Variants in NRG1 observed in about 807,000 individuals in gnomAD.
The protein encoded by NRG1 is pro-neuregulin-1, membrane-bound isoform.
Under a neutral mutation model 63.8 loss-of-function variants are expected in NRG1, and 18 were observed. That is an observed-to-expected ratio of 0.28 (90% CI 0.19 to 0.42). The LOEUF is 0.42. Among genes scored for constraint, NRG1 ranks in the 10% least tolerant of loss-of-function variants. NRG1 has a pLI of 1.00. For synonymous variants in NRG1, 302 were observed against 301.3 expected (o/e 1.00, Z -0.02); for missense variants, 762 against 814.7 (o/e 0.94, Z 0.79).
At chr8:32,667,363 C>G (rs1804464345) in intron 5 of NRG1, among the ~76,000 whole-genome samples, 1 of 152,158 alleles carries the variant, frequency 6.6e-6, no homozygotes, top group Admixed American at 6.5e-5. Flanking sequence ...TCTCTTCTTG[C>G]ATCAGTGAAC....
chr8:31,695,180 A>AT (rs1270995723), intron 1 of NRG1, among the ~76,000 whole-genome samples: 1 of 151,620 alleles, frequency 6.6e-6, no homozygotes, highest in Admixed American at 6.6e-5. Context: ...TTATTTATTT[A>AT]TTTTTTTGAG....
intron 1 of NRG1, among the ~76,000 whole-genome samples, chr8:31,687,855 T>C (rs548300635): frequency 6.6e-6 from 1 of 152,220 alleles, no homozygotes; most frequent in Admixed American, 6.5e-5. Context: ...GATGCGGCTG[T>C]CACCTCCCAC....
chr8:32,290,539 C>A (rs950017489), intron 1 of NRG1, among the ~76,000 whole-genome samples: 1 of 152,006 alleles, frequency 6.6e-6, no homozygotes, highest in Non-Finnish European at 1.5e-5. Flanking sequence ...GCTCAGAGGA[C>A]CTCCTCTCCT....
chr8:31,673,842 A>G lies in NRG1; in HGVS notation c.37+34411A>G, dbSNP rs551074654. On this transcript the variant is annotated intron_variant, in intron 1 of 10. Coordinates refer to the NRG1 transcript ENST00000519301. ...ACCATAAAATTCTCCTTTAAAGTAT[A>G]CTGTTCAATGATTTTTAGTAAAATC... Among the ~76,000 whole-genome samples, 37 of 152,282 alleles carry G rather than the reference A, an allele frequency of 2.4e-4. 1 individual carries two copies. The South Asian group carries it at 4.8e-3, about 20-fold the overall frequency.
intron 1 of NRG1, among the ~76,000 whole-genome samples, chr8:31,735,218 TACTC>T (rs1175524772): frequency 1.1e-4 from 16 of 152,150 alleles, no homozygotes; most frequent in Non-Finnish European, 2.1e-4. Flanking sequence ...ACCCACTACT[TACTC>T]CTAAAACAAT....
intron 1 of NRG1, among the ~76,000 whole-genome samples, chr8:32,186,637 T>A (rs775739135): frequency 6.6e-6 from 1 of 152,138 alleles, no homozygotes; most frequent in Non-Finnish European, 1.5e-5. Flanking sequence ...GGGTCCGTCC[T>A]GGAAGCTTGT....
chr8:32,185,988 T>C (rs1296560572), intron 1 of NRG1, among the ~76,000 whole-genome samples: 1 of 152,218 alleles, frequency 6.6e-6, no homozygotes, highest in Non-Finnish European at 1.5e-5. Context: ...ATTACTGTTC[T>C]GAGGTTAGAT....
At chr8:32,674,587 G>A (rs1806565296) in intron 5 of NRG1, among the ~76,000 whole-genome samples, 1 of 152,174 alleles carries the variant, frequency 6.6e-6, no homozygotes. Flanking sequence ...TCTTTTTAGA[G>A]CAGCTGATAT....
rs183641636 is a variant in NRG1, at chr8:32,586,453, A to G, written c.101-9375A>G. 3.3e-5 allele frequency among the ~76,000 whole-genome samples: 5 copies of G among 152,270 alleles called. No individual in the cohort carries two copies. In the East Asian group the frequency reaches 5.8e-4, roughly 18 times the overall value. Reference sequence around the variant, plus strand: ...ACCTGCATTCATTTTCCCTTGTAGAATTTTACAGTATTGTAAATTTCTCAC... The same window carrying G: ...ACCTGCATTCATTTTCCCTTGTAGAGTTTTACAGTATTGTAAATTTCTCAC... On this transcript the variant is annotated intron_variant, in intron 1 of 11. Transcript: ENST00000356819.
At chr8:32,093,993 A>G (rs1254323769) in intron 1 of NRG1, among the ~76,000 whole-genome samples, 2 of 152,176 alleles carry the variant, frequency 1.3e-5, no homozygotes, top group African/African-American at 2.4e-5. Flanking sequence ...TTATTGGCTG[A>G]TGGTTCCTGA....
At chr8:32,456,807 G>C (rs1381989123) in intron 1 of NRG1, among the ~76,000 whole-genome samples, 1 of 152,084 alleles carries the variant, frequency 6.6e-6, no homozygotes, top group African/African-American at 2.4e-5. Flanking sequence ...AGGGTCAACT[G>C]TATATCCTAA....
intron 1 of NRG1, among the ~76,000 whole-genome samples, chr8:32,526,135 C>G (rs1342420128): frequency 6.6e-6 from 1 of 152,134 alleles, no homozygotes; most frequent in East Asian, 1.9e-4. Context: ...TGGCCCCCTA[C>G]TTTAGAGTCT....
intron 1 of NRG1, among the ~76,000 whole-genome samples, chr8:32,360,084 T>G (rs1366179729): frequency 2.0e-5 from 3 of 152,228 alleles, no homozygotes; most frequent in African/African-American, 7.2e-5. Context: ...AGAATAAACA[T>G]GATAATTTCG....
intron 1 of NRG1, among the ~76,000 whole-genome samples, chr8:32,360,555 C>G (rs1276804542): frequency 6.6e-6 from 1 of 152,160 alleles, no homozygotes; most frequent in African/African-American, 2.4e-5. Flanking sequence ...GCTTTGACAA[C>G]TTTAAACATT....
At chr8:32,133,468 A>G (rs965572846) in intron 1 of NRG1, among the ~76,000 whole-genome samples, 1 of 152,078 alleles carries the variant, frequency 6.6e-6, no homozygotes, top group Non-Finnish European at 1.5e-5. Flanking sequence ...TTCAACTGAT[A>G]CTCACTCAGG....
intron 1 of NRG1, among the ~76,000 whole-genome samples, chr8:32,409,079 G>A (rs75519787): frequency 0.021 from 3,183 of 152,198 alleles, 82 homozygotes; most frequent in African/African-American, 0.071. Context: ...TGATTCTTTT[G>A]TATGGCTGAG....
intron 1 of NRG1, among the ~76,000 whole-genome samples, chr8:31,707,287 A>G (rs566636196): frequency 2.0e-5 from 3 of 152,084 alleles, no homozygotes; most frequent in Non-Finnish European, 4.4e-5. Flanking sequence ...GTAAGATATT[A>G]CCCTTATTAT....
intron 1 of NRG1, among the ~76,000 whole-genome samples, chr8:31,888,704 A>G (rs1830914345): frequency 6.6e-6 from 1 of 152,116 alleles, no homozygotes; most frequent in East Asian, 1.9e-4. Flanking sequence ...ATCAGCCACA[A>G]TAATCTATAA....
At chr8:31,642,264 C>T (rs1023468530) in intron 1 of NRG1, among the ~76,000 whole-genome samples, 1 of 152,132 alleles carries the variant, frequency 6.6e-6, no homozygotes, top group South Asian at 2.1e-4. Flanking sequence ...TAAGCAACAC[C>T]ACTGTCCAGT....
Sources: gnomAD v4.1 joint callset for allele counts (sites outside exome capture counted in the v4.1 genomes callset) on GRCh38, gnomAD v4.1.1 for gene constraint, MANE v1.5 for transcripts, NCBI Gene and HGNC (gene_info 2026-07-23, HGNC 2026-07-21) for gene names.